ABCC12: variants seen among roughly 807,000 people sequenced by gnomAD.
ABCC12 encodes ATP binding cassette subfamily C member 12, also known as ATP-binding cassette sub-family C member 12.
Under a neutral mutation model 151.1 loss-of-function variants are expected in ABCC12, and 142 were observed. The observed-to-expected ratio is 0.94, with a 90% CI of 0.82 to 1.08. The LOEUF is 1.08. Ranked by LOEUF, ABCC12 falls within the 50% of genes least tolerant of loss-of-function variation. The probability of loss-of-function intolerance (pLI) is 0.00; values close to 1 mark genes in which losing one functional copy is unlikely to be tolerated. For missense variants in ABCC12, 1,638 were observed against 1,691.1 expected (o/e 0.97, Z 0.55); for synonymous variants, 645 against 646.4 (o/e 1.00, Z 0.03).
Position 48,104,350 on chromosome 16 carries a change from T to C in ABCC12, c.2692A>G (p.Ser898Gly). ...VFDKILKSPMSFFDTTPTGRL... is the reference protein window; with the variant it reads ...VFDKILKSPMGFFDTTPTGRL... Reference sequence around the variant, plus strand: ...CCAGTGGGAGTCGTGTCAAAGAAACTCATTGGGCTCTTTAAGATCTGTGGA... The same window carrying C: ...CCAGTGGGAGTCGTGTCAAAGAAACCCATTGGGCTCTTTAAGATCTGTGGA... Residue 898 changes from serine (S) to glycine (G), a missense_variant, in exon 22 of 31, where the codon AGT (serine) becomes GGT (glycine). Transcript: ENST00000311303. The C allele has an allele frequency of 6.2e-7, 1 of 1,614,162 alleles. No homozygotes were observed. The highest frequency in any genetic ancestry group is 1.1e-5 in the South Asian group (1 of 91,084).
intron 24 of ABCC12, 123 bp downstream of exon 24, chr16:48,096,623 G>A: frequency 1.0e-6 from 1 of 1,001,030 alleles, no homozygotes; most frequent in African/African-American, 1.6e-5. Flanking sequence ...GAGCCACTAA[G>A]CTCCCTTTCT....
chr16:48,088,830 C>T (rs888079045), intron 25 of ABCC12, 96 bp from the exon 26 acceptor site: 12 of 1,078,370 alleles, frequency 1.1e-5, no homozygotes, highest in Non-Finnish European at 1.6e-5. Context: ...TCAGGTACTG[C>T]TATTCATGGT....
chr16:48,096,917 GT>G lies in ABCC12; in HGVS notation c.3039-16del. The stretch of plus-strand genomic sequence containing the variant: ...AGAGGAGGTGACTGGAGTTTTCGTC[GT>G]TTAGCGTCTTAAACCTACAGTCAAG... On this transcript the variant is annotated splice_polypyrimidine_tract_variant and intron_variant, in intron 23 of 30. Transcript: ENST00000311303. 1 of 1,614,046 alleles carries G rather than the reference GT, an allele frequency of 6.2e-7. No individual in the cohort carries two copies. The highest frequency in any genetic ancestry group is 8.5e-7 in the Non-Finnish European group (1 of 1,180,004).
At chr16:48,118,094 G>T (rs567466754) in intron 13 of ABCC12, among the ~76,000 whole-genome samples, 1 of 152,146 alleles carries the variant, frequency 6.6e-6, no homozygotes, top group Non-Finnish European at 1.5e-5. Context: ...CAGCCAAGCC[G>T]CCAGGACTAG....
chr16:48,085,836 A>T (rs1309417122), intron 28 of ABCC12, 130 bp from the exon 29 acceptor site: 1 of 709,956 alleles, frequency 1.4e-6, no homozygotes, highest in African/African-American at 1.8e-5. Context: ...GAAAGTGCAA[A>T]ACAACAATCA....
chr16:48,112,177 A>G (rs550301026), intron 15 of ABCC12, among the ~76,000 whole-genome samples: 61 of 152,238 alleles, frequency 4.0e-4, no homozygotes, highest in African/African-American at 1.4e-3. Flanking sequence ...GGCCCCCAGC[A>G]CAGAACCATT....
chr16:48,087,119 G>A, intron 27 of ABCC12: 1 of 321,826 alleles, frequency 3.1e-6, no homozygotes, highest in Admixed American at 4.0e-5. Context: ...GGGCCTCTCA[G>A]CAGCCCCGAG....
chr16:48,149,714 A>T (rs1430206513), intron 2 of ABCC12, among the ~76,000 whole-genome samples: 1 of 152,248 alleles, frequency 6.6e-6, no homozygotes, highest in African/African-American at 2.4e-5. Flanking sequence ...AACTGTAAAG[A>T]ATTAGTATGC....
chr16:48,099,077 G>C (rs770146755), intron 23 of ABCC12, among the ~76,000 whole-genome samples: 2 of 152,160 alleles, frequency 1.3e-5, no homozygotes, highest in Non-Finnish European at 2.9e-5. Context: ...GATCCTGGGT[G>C]GTAAAATGGA....
intron 15 of ABCC12, among the ~76,000 whole-genome samples, 189 bp from the exon 16 acceptor site, chr16:48,112,099 C>A (rs1248083448): frequency 6.6e-6 from 1 of 152,088 alleles, no homozygotes; most frequent in South Asian, 2.1e-4. Context: ...GTCGGTAGCA[C>A]CCCCTCCTGG....
chr16:48,110,955 T>C (rs1197434003), intron 18 of ABCC12, among the ~76,000 whole-genome samples: 1 of 152,166 alleles, frequency 6.6e-6, no homozygotes, highest in East Asian at 1.9e-4. Flanking sequence ...GAAAGAATAA[T>C]AACCTTATCC....
intron 2 of ABCC12, 40 bp from the exon 3 acceptor site, chr16:48,146,514 A>G (rs1366327700): frequency 1.9e-6 from 2 of 1,049,152 alleles, no homozygotes; most frequent in African/African-American, 1.6e-5. Flanking sequence ...AGAGGTGAGG[A>G]TGTCTGATTG....
At chr16:48,105,755 G>A (rs1305082459) in intron 20 of ABCC12, among the ~76,000 whole-genome samples, 1 of 152,196 alleles carries the variant, frequency 6.6e-6, no homozygotes, top group Non-Finnish European at 1.5e-5. Context: ...ATCAGGAACT[G>A]ACCTCCAGCA....
chr16:48,089,892 T>C (rs1415660052), intron 25 of ABCC12, among the ~76,000 whole-genome samples: 2 of 152,370 alleles, frequency 1.3e-5, no homozygotes, highest in South Asian at 2.1e-4. Flanking sequence ...ATAGCATTGA[T>C]ACTGTCATGA....
Position 48,142,489 on chromosome 16 carries a change from C to T in ABCC12, c.276-1136G>A, listed in dbSNP as rs138470895. Among the ~76,000 whole-genome samples the T allele has an allele frequency of 3.8e-3, 583 of 152,288 alleles. 1 individual carries two copies. Among genetic ancestry groups the T allele is most frequent in the Middle Eastern group, 6.8e-3 (2 of 294 alleles). Reference sequence around the variant, plus strand: ...ATGGAGAAGTACTGGCCAGAGAGAACGGCAGAGAGGTGGTCCAGTGCCTTG... The same window carrying T: ...ATGGAGAAGTACTGGCCAGAGAGAATGGCAGAGAGGTGGTCCAGTGCCTTG... On this transcript the variant is annotated intron_variant, in intron 4 of 30. Coordinates refer to ENST00000311303, the MANE Select transcript of ABCC12 (RefSeq NM_001393797.1).
Position 48,104,344 on chromosome 16 carries a change from A to G in ABCC12, c.2698T>C (p.Phe900Leu), listed in dbSNP as rs2081771292. The G allele has an allele frequency of 3.1e-6, 5 of 1,614,232 alleles. No homozygotes were observed. The highest frequency in any genetic ancestry group is 4.2e-6 in the Non-Finnish European group (5 of 1,180,038). Residue 900 changes from phenylalanine (F) to leucine (L), a missense_variant, in exon 22 of 31, where the codon TTT becomes CTT. By Grantham distance (22) the Phe-to-Leu change is conservative (BLOSUM62 0). Transcript: ENST00000311303. ...AGCCTGCCAGTGGGAGTCGTGTCAA[A>G]GAAACTCATTGGGCTCTTTAAGATC... The part of the protein sequence containing the change: ...DKILKSPMSF[F>L]DTTPTGRLMN...
chr16:48,099,741 C>T (rs546446131), intron 23 of ABCC12, among the ~76,000 whole-genome samples: 1 of 152,266 alleles, frequency 6.6e-6, no homozygotes, highest in Non-Finnish European at 1.5e-5. Context: ...CCTTGTCTTC[C>T]GGCCTAACAC....
intron 7 of ABCC12, among the ~76,000 whole-genome samples, 167 bp downstream of exon 7, chr16:48,138,980 AAAACAAAAAACAAAAC>A (rs1290143888): frequency 7.1e-6 from 1 of 139,952 alleles, no homozygotes; most frequent in Admixed American, 6.8e-5. Flanking sequence ...AAACAAAAAC[AAAACAAAAAACAAAAC>A]AAACAAACAA....
intron 24 of ABCC12, among the ~76,000 whole-genome samples, chr16:48,092,663 C>T (rs1257662251): frequency 6.6e-6 from 1 of 152,170 alleles, no homozygotes; most frequent in Non-Finnish European, 1.5e-5. Flanking sequence ...TAGACAAGAT[C>T]CCTGCACTCA....
Sources: allele counts gnomAD v4.1 joint callset (sites outside exome capture counted in the v4.1 genomes callset), GRCh38; gene constraint gnomAD v4.1.1; transcripts MANE v1.5; gene names NCBI Gene and HGNC (gene_info 2026-07-23, HGNC 2026-07-21).